The following C5 variants were observed in gnomAD, a reference collection of about 807,000 sequenced individuals.
C5 encodes the protein C3 and PZP-like alpha-2-macroglobulin domain-containing protein 4.
Under a neutral mutation model 218.8 loss-of-function variants are expected in C5, and 140 were observed. The observed-to-expected ratio is 0.64, with a 90% CI of 0.56 to 0.74. The LOEUF is 0.74. Among genes scored for constraint, C5 ranks in the 30% least tolerant of loss-of-function variants. The pLI is 0.00. For synonymous variants in C5, 614 were observed against 682.3 expected (o/e 0.90, Z 1.56); for missense variants, 1,700 against 1,969.6 (o/e 0.86, Z 2.59).
At chr9:120,992,383 A>G (rs1032445177) in intron 22 of C5, among the ~76,000 whole-genome samples, 1 of 152,254 alleles carries the variant, frequency 6.6e-6, no homozygotes, top group Admixed American at 6.5e-5. Flanking sequence ...TGGGCAAGAT[A>G]CAACCTTTCT....
At chr9:121,063,894 T>G in the C5 span, among the ~76,000 whole-genome samples, 2 of 152,132 alleles carry the variant, frequency 1.3e-5, no homozygotes, top group Non-Finnish European at 2.9e-5. Flanking sequence ...AAGATAAGGA[T>G]GCAAAAATGC....
intron 20 of C5, chr9:121,000,145 T>C: frequency 5.1e-6 from 1 of 197,188 alleles, no homozygotes; most frequent in South Asian, 6.9e-5. Context: ...ATTTGGCCCA[T>C]GGTCCATAAA....
chr9:121,004,844 T>C (rs899377588), intron 20 of C5, among the ~76,000 whole-genome samples: 1 of 152,150 alleles, frequency 6.6e-6, no homozygotes, highest in African/African-American at 2.4e-5. Flanking sequence ...ATACATAAGT[T>C]TGATAAAACA....
chr9:120,998,435 G>A (rs2047135601), intron 20 of C5, among the ~76,000 whole-genome samples: 1 of 152,184 alleles, frequency 6.6e-6, no homozygotes. Flanking sequence ...TTAGGCTCAG[G>A]TACTTTTTCA....
intron 20 of C5, among the ~76,000 whole-genome samples, chr9:121,002,262 G>GTA (rs1378580821): frequency 0.042 from 3,856 of 92,070 alleles, 226 homozygotes; most frequent in African/African-American, 0.12. Context: ...ATGTATATAT[G>GTA]TATATATATG....
At chr9:121,009,073 T>C (rs1359857629) in intron 17 of C5, among the ~76,000 whole-genome samples, 1 of 152,212 alleles carries the variant, frequency 6.6e-6, no homozygotes, top group Non-Finnish European at 1.5e-5. Context: ...TTATACAAGA[T>C]ATCGATCAGT....
chr9:121,025,419 T>TACCC lies in C5; in HGVS notation c.1000+34_1000+35insGGGT, dbSNP rs1554724225. On this transcript the variant is annotated intron_variant, in intron 9 of 40. Transcript: ENST00000223642. ...TCTAAATATTTTTCAAAAGAAAGTA[T>TACCC]ACACACACACACACACACACACACA... 118 of 1,437,408 alleles carry TACCC rather than the reference T, an allele frequency of 8.2e-5. No homozygotes were observed. In the African/African-American group the frequency reaches 1.3e-3, roughly 16 times the overall value. The allele number at this position is 1,437,408 out of a possible 1,614,324, so 89.0% of individuals were successfully genotyped here. A position where few individuals can be genotyped will look rare whatever the true frequency, so the allele number is the denominator to read the frequency against.
intron 33 of C5, among the ~76,000 whole-genome samples, chr9:120,964,920 G>A (rs866796975): frequency 2.8e-4 from 43 of 152,280 alleles, no homozygotes; most frequent in African/African-American, 1.0e-3. Flanking sequence ...ATTAAGAGAT[G>A]TTAGAAGACA....
Position 120,952,902 on chromosome 9 carries a change from C to T in C5, c.4902-34G>A, listed in dbSNP as rs1564128437. On this transcript the variant is annotated intron_variant, in intron 40 of 40. Transcript: ENST00000223642. ...AAACAAAGTGTTTGTGAGGTGGCCA[C>T]AAAACAGAAAAGCTGAATTTGATTT... 2.5e-6 allele frequency: 4 copies of T among 1,610,516 alleles called. No individual in the cohort carries two copies. The African/African-American group carries it at 4.0e-5, about 16-fold the overall frequency.
chr9:121,041,549 C>A (rs534680427), intron 3 of C5, among the ~76,000 whole-genome samples: 2 of 151,884 alleles, frequency 1.3e-5, no homozygotes, highest in African/African-American at 2.4e-5. Flanking sequence ...GTGATCCCCC[C>A]ACCTCGGACT....
chr9:120,960,356 G>C lies in C5; in HGVS notation c.4589-19C>G, dbSNP rs943500716. 5 of 1,570,820 alleles carry C rather than the reference G, an allele frequency of 3.2e-6. No homozygotes were observed. The highest frequency in any genetic ancestry group is 3.5e-6 in the Non-Finnish European group (4 of 1,142,380). ...CAATCAGCTGGATTTTGTGAAAATTGGTAAAAATAAGGTTAATGGAAAGAA... is the reference window on the plus strand; with the variant it reads ...CAATCAGCTGGATTTTGTGAAAATTCGTAAAAATAAGGTTAATGGAAAGAA... On this transcript the variant is annotated intron_variant, in intron 37 of 40. Transcript: ENST00000223642.
rs1255485842 is a variant in C5 at position 121,048,859 on chromosome 9, T to A, written c.65+1323A>T. 2.0e-5 allele frequency among the ~76,000 whole-genome samples: 3 copies of A among 152,320 alleles called. No individual in the cohort carries two copies. The East Asian group carries it at 5.8e-4, about 29-fold the overall frequency. On this transcript the variant is annotated intron_variant, in intron 1 of 40. Coordinates refer to ENST00000223642, the MANE Select transcript of C5 (RefSeq NM_001735.3). ...GTTTGCTTCCTCACTTCCTTCAGGC[T>A]CTGTTTGAGTGCAGCCTCCTTAAGA...
chr9:121,059,003 G>GA, the C5 span, among the ~76,000 whole-genome samples: 1 of 152,216 alleles, frequency 6.6e-6, no homozygotes, highest in Non-Finnish European at 1.5e-5. This position sits in a 1 kb window ranked among gnomAD's most constrained non-coding sequence, Gnocchi z 4.1. Context: ...GTGAGAGGTG[G>GA]AAAGAGTCAG....
At chr9:120,992,695 T>A (rs1053446805) in intron 22 of C5, among the ~76,000 whole-genome samples, 12 of 152,176 alleles carry the variant, frequency 7.9e-5, no homozygotes, top group African/African-American at 2.9e-4. Flanking sequence ...AAAAGACTCA[T>A]CAAGACATCA....
chr9:120,986,217 A>C lies in C5; in HGVS notation c.3230+2829T>G, dbSNP rs1054785458. On this transcript the variant is annotated intron_variant, in intron 25 of 40. Coordinates refer to ENST00000223642, the MANE Select transcript of C5 (RefSeq NM_001735.3). ...ACTGGAGTTAAGTTACAGCTATATG[A>C]TTTCATGTATATATATACTATATAA... Among the ~76,000 whole-genome samples the C allele has an allele frequency of 2.6e-5, 4 of 152,022 alleles. 1 individual carries two copies. Among genetic ancestry groups the C allele is most frequent in the African/African-American group, 9.7e-5 (4 of 41,406 alleles).
intron 20 of C5, chr9:121,000,007 C>G: frequency 2.4e-6 from 1 of 415,676 alleles, no homozygotes; most frequent in East Asian, 8.2e-5. Flanking sequence ...TGCAGTGACC[C>G]GAGATCTTCC....
intron 22 of C5, 98 bp from the exon 23 acceptor site, chr9:120,991,378 A>G: frequency 1.3e-6 from 1 of 761,300 alleles, no homozygotes; most frequent in East Asian, 2.5e-5. Flanking sequence ...ATTTCAAAAT[A>G]AAAGACTTAT....
intron 31 of C5, 52 bp downstream of exon 31, chr9:120,971,878 C>A: frequency 7.3e-7 from 1 of 1,369,740 alleles, no homozygotes; most frequent in Non-Finnish European, 1.0e-6. Context: ...TTTTATGTTA[C>A]CTAGTACAAA....
In C5 at chr9:121,038,360, G is replaced by A. The variant is rs41307984; in HGVS notation, c.422-409C>T. Among the ~76,000 whole-genome samples the A allele has an allele frequency of 1.5e-3, 225 of 152,234 alleles. 1 individual carries two copies. The highest frequency in any genetic ancestry group is 3.4e-3 in the Middle Eastern group (1 of 294). ...CATAATATATTGTCTCAGAGTTGAA[G>A]ATCTTAATGGAAAATTGGGAGCTTG... On this transcript the variant is annotated intron_variant, in intron 3 of 40. Transcript: ENST00000223642.
Sources: gnomAD v4.1 joint callset for allele counts (sites outside exome capture counted in the v4.1 genomes callset) on GRCh38, gnomAD v4.1.1 for gene constraint, Gnocchi (gnomAD v3.1) non-coding constraint, MANE v1.5 for transcripts, NCBI Gene and HGNC (gene_info 2026-07-23, HGNC 2026-07-21) for gene names.